ATP6V0A4: variants seen among roughly 807,000 people sequenced by gnomAD.
ATP6V0A4 encodes ATPase H+ transporting V0 subunit a4.
A neutral mutation model predicts 107.3 loss-of-function variants in ATP6V0A4; 86 were observed. The ratio of observed to expected loss-of-function variants is 0.80; its 90% CI spans 0.67 to 0.96. The LOEUF (loss-of-function observed/expected upper bound fraction) is 0.96. Among genes scored for constraint, ATP6V0A4 ranks in the 40% least tolerant of loss-of-function variants. The pLI, the probability that ATP6V0A4 is intolerant of heterozygous loss-of-function variation, is 0.00. For missense variants in ATP6V0A4, 908 were observed against 1,045.6 expected (o/e 0.87, Z 1.81); for synonymous variants, 353 against 381.4 (o/e 0.93, Z 0.87).
In ATP6V0A4 at chr7:138,745,955, A is replaced by AT. The variant is rs1424218899; in HGVS notation, c.1321-676_1321-675insA. Reference sequence around the variant, plus strand: ...CAAGACTCTGTCTCAAAAAAAAAAAAAAAAAAAATATATATATATATATAA... The same window carrying AT: ...CAAGACTCTGTCTCAAAAAAAAAAAATAAAAAAAATATATATATATATATAA... On this transcript the variant is annotated intron_variant, in intron 13 of 21. Transcript: ENST00000310018. 2.0e-3 allele frequency among the ~76,000 whole-genome samples: 164 copies of AT among 83,166 alleles called. 2 individuals carry two copies. Among genetic ancestry groups the AT allele is most frequent in the East Asian group, 0.01 (13 of 1,246 alleles). The allele number at this position is 83,166 out of a possible 152,430, so 54.6% of individuals were successfully genotyped here. A position where few individuals can be genotyped will look rare whatever the true frequency, so the allele number is the denominator to read the frequency against.
chr7:138,716,160 G>A (rs1480365733), intron 19 of ATP6V0A4, among the ~76,000 whole-genome samples: 1 of 152,234 alleles, frequency 6.6e-6, no homozygotes, highest in Non-Finnish European at 1.5e-5. Context: ...GGAAGGCTGG[G>A]TAGGAATGTG....
In ATP6V0A4 at chr7:138,739,593, G is replaced by A; in HGVS notation, c.1519C>T (p.Pro507Ser). Residue 507 changes from proline to serine, a missense_variant, in exon 15 of 22, where the codon CCA becomes TCA. Pro to Ser is a moderately conservative substitution (Grantham distance 74, BLOSUM62 -1). Transcript: ENST00000310018. ...MEESLYLQLD[P>S]AIPGVYFGNP... is the part of the protein sequence containing the mutation. Reference sequence around the variant, plus strand: ...CCAAAATACACTCCTGGTATGGCTGGGTCCAGCTGCAGATATAGACTTTCC... The same window carrying A: ...CCAAAATACACTCCTGGTATGGCTGAGTCCAGCTGCAGATATAGACTTTCC... 6.2e-7 allele frequency: 1 copy of A among 1,614,058 alleles called. No homozygotes were observed. Among genetic ancestry groups the A allele is most frequent in the South Asian group, 1.1e-5 (1 of 91,072 alleles).
chr7:138,708,604 C>T (rs944039624), intron 21 of ATP6V0A4, among the ~76,000 whole-genome samples: 2 of 152,192 alleles, frequency 1.3e-5, no homozygotes, highest in African/African-American at 4.8e-5. Flanking sequence ...AACCAGAGGC[C>T]TAAACATGTT....
intron 20 of ATP6V0A4, among the ~76,000 whole-genome samples, chr7:138,715,206 TTGTC>T (rs1442833824): frequency 6.6e-6 from 1 of 152,164 alleles, no homozygotes; most frequent in East Asian, 1.9e-4. Flanking sequence ...GGTTTTTTGT[TTGTC>T]TGTTTGTTTG....
chr7:138,785,638 C>T (rs1808145146), intron 2 of ATP6V0A4, among the ~76,000 whole-genome samples: 1 of 152,090 alleles, frequency 6.6e-6, no homozygotes, highest in South Asian at 2.1e-4. Context: ...CCACCCTTTA[C>T]AATATGCACT....
chr7:138,723,219 A>T (rs1227359144), intron 18 of ATP6V0A4, among the ~76,000 whole-genome samples: 9 of 152,208 alleles, frequency 5.9e-5, no homozygotes, highest in Admixed American at 4.6e-4. Flanking sequence ...CACTAAAGCA[A>T]TGCAAGTACA....
chr7:138,729,178 C>A (rs1441268145), intron 17 of ATP6V0A4, among the ~76,000 whole-genome samples: 2 of 152,126 alleles, frequency 1.3e-5, no homozygotes, highest in African/African-American at 4.8e-5. Flanking sequence ...TAAAGGCACC[C>A]CTTGTCTTGA....
At chr7:138,726,456 C>T (rs1339896562) in intron 18 of ATP6V0A4, among the ~76,000 whole-genome samples, 3 of 152,334 alleles carry the variant, frequency 2.0e-5, no homozygotes, top group East Asian at 3.9e-4. Context: ...TCGCTGCCCA[C>T]GGGGCATGTC....
chr7:138,723,565 G>A (rs907436199), intron 18 of ATP6V0A4, among the ~76,000 whole-genome samples: 1 of 127,760 alleles, frequency 7.8e-6, no homozygotes, highest in African/African-American at 3.0e-5. Context: ...TTGCTCCTTC[G>A]CCCAGGCTGG....
chr7:138,732,247 A>C (rs1805057391), intron 17 of ATP6V0A4, among the ~76,000 whole-genome samples: 1 of 152,224 alleles, frequency 6.6e-6, no homozygotes, highest in African/African-American at 2.4e-5. Flanking sequence ...AACATTCTAC[A>C]GCTGCAAGCC....
chr7:138,708,685 A>G (rs1313573957), intron 21 of ATP6V0A4, among the ~76,000 whole-genome samples: 4 of 152,174 alleles, frequency 2.6e-5, no homozygotes, highest in Non-Finnish European at 5.9e-5. Flanking sequence ...GCTCCCGGTG[A>G]GCGTCTCCCT....
chr7:138,707,068 A>ATGTGTGTGTGTG (rs10669320), intron 21 of ATP6V0A4, among the ~76,000 whole-genome samples: 1,074 of 90,078 alleles, frequency 0.012, 30 homozygotes, highest in East Asian at 0.048. Flanking sequence ...GCTAATTTAT[A>ATGTGTGTGTGTG]TGTGTGTGTG....
chr7:138,719,886 A>G (rs1804345679), intron 19 of ATP6V0A4, among the ~76,000 whole-genome samples: 1 of 152,128 alleles, frequency 6.6e-6, no homozygotes, highest in Non-Finnish European at 1.5e-5. Context: ...TTAGCCAGGC[A>G]TGGTGGTGGG....
Position 138,752,848 on chromosome 7 carries a change from A to C in ATP6V0A4, c.817-11T>G, listed in dbSNP as rs780023537. 6.2e-7 allele frequency: 1 copy of C among 1,613,454 alleles called. No homozygotes were observed. The highest frequency in any genetic ancestry group is 2.2e-5 in the East Asian group (1 of 44,886). On this transcript the variant is annotated splice_polypyrimidine_tract_variant and intron_variant, in intron 10 of 21. Transcript: ENST00000310018. Reference sequence around the variant, plus strand: ...TGTTTGTGTTATGACCTATACAAAAAACAACACACAGGAAAACAGAGAACC... The same window carrying C: ...TGTTTGTGTTATGACCTATACAAAACACAACACACAGGAAAACAGAGAACC...
chr7:138,731,607 T>C (rs1210551028), intron 17 of ATP6V0A4, among the ~76,000 whole-genome samples: 1 of 152,092 alleles, frequency 6.6e-6, no homozygotes, highest in Non-Finnish European at 1.5e-5. Flanking sequence ...AAAAATAAAA[T>C]ATTGGCCAGG....
intron 2 of ATP6V0A4, among the ~76,000 whole-genome samples, chr7:138,782,730 G>A (rs1249273337): frequency 2.0e-5 from 3 of 152,308 alleles, no homozygotes; most frequent in South Asian, 2.1e-4. Flanking sequence ...GAGTGAAATG[G>A]GCAGGATTCT....
intron 1 of ATP6V0A4, among the ~76,000 whole-genome samples, chr7:138,797,208 C>CTT (rs3842142): frequency 0.021 from 2,037 of 95,842 alleles, 70 homozygotes; most frequent in African/African-American, 0.066. Context: ...ATGCCATTTT[C>CTT]TTTTTTTTTT....
chr7:138,771,050 T>C, intron 3 of ATP6V0A4, 81 bp downstream of exon 3: 1 of 1,345,560 alleles, frequency 7.4e-7, no homozygotes, highest in Non-Finnish European at 1.1e-6. Flanking sequence ...ATGGTTATTG[T>C]TCACCATAAA....
At chr7:138,712,801 A>G (rs914130495) in intron 20 of ATP6V0A4, among the ~76,000 whole-genome samples, 1 of 151,972 alleles carries the variant, frequency 6.6e-6, no homozygotes, top group Non-Finnish European at 1.5e-5. Flanking sequence ...AGGGCCAAGA[A>G]TACCAAAACT....
Sources: gnomAD v4.1 joint callset for allele counts (sites outside exome capture counted in the v4.1 genomes callset) on GRCh38, gnomAD v4.1.1 for gene constraint, MANE v1.5 for transcripts, NCBI Gene and HGNC (gene_info 2026-07-23, HGNC 2026-07-21) for gene names.